DLG2: variants seen among roughly 807,000 people sequenced by gnomAD.
DLG2 encodes disks large homolog 2.
A neutral mutation model predicts 132.5 loss-of-function variants in DLG2; 45 were observed. That is an observed-to-expected ratio of 0.34 (90% CI 0.27 to 0.44). The LOEUF (loss-of-function observed/expected upper bound fraction) is 0.44, where lower values mean the gene tolerates loss of function less well. Among genes scored for constraint, DLG2 ranks in the 20% least tolerant of loss-of-function variants. The pLI, the probability that DLG2 is intolerant of heterozygous loss-of-function variation, is 1.00. For missense variants in DLG2, 1,045 were observed against 1,196.9 expected, an observed-to-expected ratio of 0.87 and a Z score of 1.87; for synonymous variants, 424 against 419.6, an observed-to-expected ratio of 1.01 and a Z score of -0.13.
chr11:83,906,337 G>T (rs1404402501), intron 15 of DLG2, among the ~76,000 whole-genome samples: 2 of 143,364 alleles, frequency 1.4e-5, no homozygotes, highest in Non-Finnish European at 3.0e-5. Flanking sequence ...CTCCCAAAGT[G>T]CTGGGATTAC....
intron 2 of DLG2, among the ~76,000 whole-genome samples, chr11:85,622,726 G>T (rs545524247): frequency 1.3e-5 from 2 of 152,134 alleles, no homozygotes; most frequent in South Asian, 4.2e-4. Context: ...TGTAATCTCA[G>T]TTTCAAGGGT....
At chr11:84,833,062 A>G (rs2079243249) in intron 6 of DLG2, among the ~76,000 whole-genome samples, 1 of 101,948 alleles carries the variant, frequency 9.8e-6, no homozygotes, top group African/African-American at 3.2e-5. Flanking sequence ...AAAATGAACT[A>G]TAGAAAAATT....
chr11:85,195,164 A>C (rs111941391), intron 4 of DLG2, among the ~76,000 whole-genome samples: 1,533 of 152,308 alleles, frequency 0.01, 25 homozygotes, highest in African/African-American at 0.035. Flanking sequence ...CCCCTGGAGG[A>C]ACATCATAAT....
chr11:84,183,537 A>T (rs1337512955), intron 8 of DLG2, among the ~76,000 whole-genome samples: 3 of 152,204 alleles, frequency 2.0e-5, no homozygotes, highest in Non-Finnish European at 4.4e-5. Context: ...TTGACAAGAA[A>T]AAACATAAGT....
intron 7 of DLG2, among the ~76,000 whole-genome samples, chr11:84,521,521 G>A (rs867445699): frequency 1.3e-5 from 2 of 152,306 alleles, no homozygotes; most frequent in South Asian, 4.1e-4. Context: ...CTGCTGAGAT[G>A]TAAGTCTAGT....
chr11:83,572,286 T>C (rs1424835743), intron 19 of DLG2, among the ~76,000 whole-genome samples: 1 of 152,110 alleles, frequency 6.6e-6, no homozygotes, highest in East Asian at 1.9e-4. Context: ...TTAAGGACTT[T>C]GTGGGGTATG....
intron 15 of DLG2, among the ~76,000 whole-genome samples, chr11:83,906,913 A>G (rs1246938934): frequency 1.3e-5 from 2 of 152,232 alleles, no homozygotes; most frequent in African/African-American, 4.8e-5. Flanking sequence ...ACATAAAATA[A>G]GCACAGAAAT....
intron 3 of DLG2, among the ~76,000 whole-genome samples, chr11:85,408,463 G>A (rs1308508009): frequency 1.3e-5 from 2 of 151,100 alleles, no homozygotes; most frequent in Non-Finnish European, 3.0e-5. Flanking sequence ...AGTTACATAT[G>A]TATACATGTG....
intron 6 of DLG2, among the ~76,000 whole-genome samples, chr11:85,013,393 A>G (rs972640271): frequency 1.3e-5 from 2 of 152,178 alleles, no homozygotes; most frequent in Non-Finnish European, 2.9e-5. Context: ...GAAGAATTGC[A>G]TGGAGAAACC....
chr11:84,623,808 C>T (rs887566329), intron 6 of DLG2, among the ~76,000 whole-genome samples: 1 of 152,196 alleles, frequency 6.6e-6, no homozygotes, highest in African/African-American at 2.4e-5. Context: ...AGTATACATA[C>T]GTCCTTCCCA....
chr11:84,905,719 A>G (rs986623244), intron 6 of DLG2, among the ~76,000 whole-genome samples: 2 of 152,122 alleles, frequency 1.3e-5, no homozygotes, highest in African/African-American at 4.8e-5. Flanking sequence ...CATTTCTTGT[A>G]TTTTTTATAG....
At chr11:85,425,135 A>T (rs2090614665) in intron 3 of DLG2, among the ~76,000 whole-genome samples, 1 of 152,262 alleles carries the variant, frequency 6.6e-6, no homozygotes. Flanking sequence ...AAAGCAGAAT[A>T]AACTATTTCC....
chr11:85,132,700 T>C (rs914333796), intron 5 of DLG2: 3 of 456,460 alleles, frequency 6.6e-6, no homozygotes, highest in African/African-American at 6.0e-5. Flanking sequence ...CTAGAACTGT[T>C]TAATTACGGG....
At chr11:83,771,411 G>T (rs960644190) in intron 18 of DLG2, among the ~76,000 whole-genome samples, 32 of 152,098 alleles carry the variant, frequency 2.1e-4, no homozygotes, top group African/African-American at 7.5e-4. Flanking sequence ...TAAAAATACA[G>T]CAATGTGTTG....
rs74904118 is a variant in DLG2, at chr11:85,120,478, A to G, written c.283-8743T>C. 9.8e-3 allele frequency among the ~76,000 whole-genome samples: 1,494 copies of G among 152,158 alleles called. 21 individuals are homozygous for G. The highest frequency in any genetic ancestry group is 0.033 in the African/African-American group (1,357 of 41,564). ...AGGGAGGAAGAGTTTATTTTGCTTA[A>G]AATGTATACTTTCATTTATGGTTTC... On this transcript the variant is annotated intron_variant, in intron 5 of 27. Transcript: ENST00000376104.
intron 7 of DLG2, among the ~76,000 whole-genome samples, chr11:84,266,994 AC>A (rs1173211664): frequency 6.6e-6 from 1 of 152,112 alleles, no homozygotes; most frequent in Non-Finnish European, 1.5e-5. Flanking sequence ...GATAAAAGAA[AC>A]CTCCCAAATG....
At chr11:85,604,533 G>C (rs940106599) in intron 2 of DLG2, among the ~76,000 whole-genome samples, 6 of 152,000 alleles carry the variant, frequency 3.9e-5, no homozygotes, top group Non-Finnish European at 8.8e-5. Flanking sequence ...TATTTTAATT[G>C]ATGTTCAAAT....
At chr11:84,760,983 C>T (rs1359346661) in intron 6 of DLG2, among the ~76,000 whole-genome samples, 1 of 152,172 alleles carries the variant, frequency 6.6e-6, no homozygotes, top group African/African-American at 2.4e-5. Context: ...ATCCTTTGCA[C>T]CCACGTGTGA....
intron 7 of DLG2, among the ~76,000 whole-genome samples, chr11:84,440,714 C>G (rs2099014647): frequency 6.6e-6 from 1 of 152,294 alleles, no homozygotes; most frequent in East Asian, 1.9e-4. Flanking sequence ...CGGAAACCTA[C>G]CAGTGCAGCT....
Sources: gnomAD v4.1 joint callset for allele counts (sites outside exome capture counted in the v4.1 genomes callset) on GRCh38, gnomAD v4.1.1 for gene constraint, MANE v1.5 for transcripts, NCBI Gene and HGNC (gene_info 2026-07-23, HGNC 2026-07-21) for gene names.